The following CTNNA2 variants were observed in gnomAD, a reference collection of about 807,000 sequenced individuals.
CTNNA2 encodes the protein catenin alpha 2.
Under a neutral mutation model 101.0 loss-of-function variants are expected in CTNNA2, and 42 were observed. That is an observed-to-expected ratio of 0.42 (90% CI 0.32 to 0.54). The LOEUF is 0.54. Among genes scored for constraint, CTNNA2 ranks in the 20% least tolerant of loss-of-function variants. The pLI is 0.14. For missense variants in CTNNA2, 871 were observed against 1,223.1 expected (o/e 0.71, Z 4.29); for synonymous variants, 450 against 456.4 (o/e 0.99, Z 0.18).
chr2:80,457,785 T>G (rs578198088), intron 9 of CTNNA2, among the ~76,000 whole-genome samples: 1 of 152,354 alleles, frequency 6.6e-6, no homozygotes, highest in East Asian at 1.9e-4. Context: ...GGGATTTTAA[T>G]GCTCCTCCTC....
chr2:79,919,105 T>C (rs1264082137), intron 7 of CTNNA2, among the ~76,000 whole-genome samples: 1 of 152,128 alleles, frequency 6.6e-6, no homozygotes, highest in Non-Finnish European at 1.5e-5. Context: ...TTGGTAGCCT[T>C]CTATGCCACA....
chr2:79,932,280 A>G (rs193058646), intron 7 of CTNNA2, among the ~76,000 whole-genome samples: 235 of 152,282 alleles, frequency 1.5e-3, no homozygotes, highest in African/African-American at 5.3e-3. Flanking sequence ...GATGGAAAAG[A>G]AGAATGATGA....
chr2:79,678,320 T>C (rs1259889027), intron 2 of CTNNA2, among the ~76,000 whole-genome samples: 1 of 152,046 alleles, frequency 6.6e-6, no homozygotes, highest in Admixed American at 6.5e-5. Flanking sequence ...GGTAGGCAGA[T>C]CACTTGAGCT....
At chr2:79,498,404 G>A (rs1671281580) in intron 4 of CTNNA2, among the ~76,000 whole-genome samples, 1 of 152,158 alleles carries the variant, frequency 6.6e-6, no homozygotes, top group Admixed American at 6.5e-5. Flanking sequence ...TGGCAGTACA[G>A]CTCCCTTAAA....
chr2:80,582,827 C>T (rs1466895606), intron 14 of CTNNA2, among the ~76,000 whole-genome samples: 1 of 152,000 alleles, frequency 6.6e-6, no homozygotes, highest in Non-Finnish European at 1.5e-5. Context: ...CGCCAGAAAG[C>T]CCACACTGCC....
chr2:80,547,489 T>A (rs142745884), intron 11 of CTNNA2, among the ~76,000 whole-genome samples: 4 of 152,098 alleles, frequency 2.6e-5, no homozygotes, highest in African/African-American at 4.8e-5. Context: ...GAAATTTCCT[T>A]TGGTGCTTGC....
chr2:79,978,262 G>A (rs925276736), intron 7 of CTNNA2, among the ~76,000 whole-genome samples: 2 of 152,112 alleles, frequency 1.3e-5, no homozygotes, highest in East Asian at 1.9e-4. Flanking sequence ...TCAAAGTTAG[G>A]GAGAAGGAGC....
intron 7 of CTNNA2, among the ~76,000 whole-genome samples, chr2:80,364,670 T>A (rs1439707768): frequency 6.6e-6 from 1 of 151,234 alleles, no homozygotes; most frequent in Non-Finnish European, 1.5e-5. Context: ...TTTTCTTTCC[T>A]CACCCCAGGT....
At chr2:80,034,667 T>C (rs1227826014) in intron 7 of CTNNA2, among the ~76,000 whole-genome samples, 1 of 152,176 alleles carries the variant, frequency 6.6e-6, no homozygotes, top group Non-Finnish European at 1.5e-5. Flanking sequence ...ACTTCATTCT[T>C]AATAAAATAA....
intron 3 of CTNNA2, among the ~76,000 whole-genome samples, chr2:79,341,446 G>A (rs546788834): frequency 6.6e-6 from 1 of 152,260 alleles, no homozygotes; most frequent in Non-Finnish European, 1.5e-5. Flanking sequence ...TACTGATTAA[G>A]AACATTAGTT....
chr2:80,416,550 T>G (rs1292209938), intron 8 of CTNNA2, among the ~76,000 whole-genome samples: 1 of 152,092 alleles, frequency 6.6e-6, no homozygotes, highest in Non-Finnish European at 1.5e-5. Context: ...TTAAACGCAA[T>G]AATATTGGAA....
intron 3 of CTNNA2, among the ~76,000 whole-genome samples, chr2:79,813,664 G>A (rs188977959): frequency 1.4e-3 from 209 of 152,182 alleles, no homozygotes; most frequent in African/African-American, 4.6e-3. Flanking sequence ...AGTGACATTC[G>A]GGTTATAATT....
At chr2:79,713,754 C>T (rs1003732556) in intron 2 of CTNNA2, among the ~76,000 whole-genome samples, 18 of 152,092 alleles carry the variant, frequency 1.2e-4, no homozygotes, top group Non-Finnish European at 2.9e-5. Context: ...TGTAGAGAGG[C>T]TTGTAAGGCT....
intron 7 of CTNNA2, among the ~76,000 whole-genome samples, chr2:79,941,911 G>A (rs759151885): frequency 5.9e-5 from 9 of 152,080 alleles, no homozygotes; most frequent in Non-Finnish European, 4.4e-5. Flanking sequence ...GAGCCACTGC[G>A]CCCAGCTCAG....
At chr2:80,201,945 A>G (rs1271972741) in intron 7 of CTNNA2, among the ~76,000 whole-genome samples, 6 of 152,094 alleles carry the variant, frequency 3.9e-5, no homozygotes, top group Non-Finnish European at 7.3e-5. Context: ...TAATGGGCCT[A>G]ATTTATCCCT....
At chr2:79,755,997 T>C (rs1672371936) in intron 3 of CTNNA2, among the ~76,000 whole-genome samples, 1 of 151,508 alleles carries the variant, frequency 6.6e-6, no homozygotes, top group Admixed American at 6.6e-5. Flanking sequence ...TGCAATAGGT[T>C]CATCTGTTGC....
At chr2:80,353,086 T>C (rs1673462446) in intron 7 of CTNNA2, among the ~76,000 whole-genome samples, 4 of 152,136 alleles carry the variant, frequency 2.6e-5, no homozygotes, top group Admixed American at 2.6e-4. Context: ...TAGTTCATCT[T>C]GTTCCACCAA....
chr2:79,297,309 C>T (rs1347611772), intron 2 of CTNNA2, among the ~76,000 whole-genome samples: 2 of 152,138 alleles, frequency 1.3e-5, no homozygotes, highest in African/African-American at 4.8e-5. Flanking sequence ...GATCTTGAAA[C>T]CAGTAGAACC....
chr2:80,157,784 A>G (rs1340331813), intron 7 of CTNNA2, among the ~76,000 whole-genome samples: 1 of 152,016 alleles, frequency 6.6e-6, no homozygotes, highest in Non-Finnish European at 1.5e-5. Context: ...TTTGTGTCAC[A>G]GGTGCCGATT....
Sources: gnomAD v4.1 joint callset for allele counts (sites outside exome capture counted in the v4.1 genomes callset) on GRCh38, gnomAD v4.1.1 for gene constraint, MANE v1.5 for transcripts, NCBI Gene and HGNC (gene_info 2026-07-23, HGNC 2026-07-21) for gene names.